The following GRK3 variants were observed in gnomAD, a reference collection of about 807,000 sequenced individuals.
GRK3 encodes adrenergic, beta, receptor kinase 2.
A neutral mutation model predicts 95.7 loss-of-function variants in GRK3; 54 were observed. The ratio of observed to expected loss-of-function variants is 0.56; its 90% CI spans 0.45 to 0.71. The LOEUF (loss-of-function observed/expected upper bound fraction) is 0.71. GRK3 is among the 30% of genes least tolerant of loss of function. The pLI is 0.00. For synonymous variants in GRK3, 281 were observed against 290.8 expected (o/e 0.97, Z 0.34); for missense variants, 649 against 851.2 (o/e 0.76, Z 2.96).
At chr22:25,580,078 T>C (rs1365932389) in intron 1 of GRK3, among the ~76,000 whole-genome samples, 1 of 152,178 alleles carries the variant, frequency 6.6e-6, no homozygotes, top group Non-Finnish European at 1.5e-5. Context: ...TGGACTTGAA[T>C]ATGATCAAGC....
rs1486191959 is a variant in GRK3 at position 25,718,283 on chromosome 22, A to G, written c.1693A>G (p.Met565Val). ...LGKDCIMHGYMLKLGNPFLTQ... is the reference protein window; with the variant it reads ...LGKDCIMHGYVLKLGNPFLTQ... ...GAAGGACTGTATTATGCACGGGTAC[A>G]TGCTGAAACTGGGAAACCCATTTCT... Residue 565 changes from methionine to valine, a missense_variant, in exon 19 of 21, where the codon ATG becomes GTG. Physicochemically the swap from Met to Val is conservative, Grantham distance 21. Coordinates refer to ENST00000324198, the MANE Select transcript of GRK3 (RefSeq NM_005160.4). 1 of 1,614,036 alleles carries G rather than the reference A, an allele frequency of 6.2e-7. No individual in the cohort carries two copies.
At chr22:25,626,080 C>A (rs1257940514) in intron 2 of GRK3, among the ~76,000 whole-genome samples, 1 of 152,200 alleles carries the variant, frequency 6.6e-6, no homozygotes, top group Non-Finnish European at 1.5e-5. Flanking sequence ...TCTACACTCT[C>A]TCGTCGCCGC....
chr22:25,620,009 TGTGTGTG>T lies in GRK3; in HGVS notation c.190+15557_190+15563del, dbSNP rs879421752. Reference sequence around the variant, plus strand: ...CTCTTCCTTTCCTTTGTCTTTTTTGTGTGTGTGTGTGTGTGTGTGTGTGTGTGTGTGT... The same window carrying T: ...CTCTTCCTTTCCTTTGTCTTTTTTGTTGTGTGTGTGTGTGTGTGTGTGTGT... On this transcript the variant is annotated intron_variant, in intron 2 of 20. Transcript: ENST00000324198. 9.0e-3 allele frequency among the ~76,000 whole-genome samples: 833 copies of T among 92,628 alleles called. 10 individuals carry two copies. Among genetic ancestry groups the T allele is most frequent in the African/African-American group, 0.041 (475 of 11,572 alleles). The allele number at this position is 92,628 out of a possible 152,430, so 60.8% of individuals were successfully genotyped here.
rs567898199 is a variant in GRK3, at chr22:25,624,291, C to T, written c.190+19838C>T. Among the ~76,000 whole-genome samples the T allele has an allele frequency of 6.6e-5, 10 of 152,126 alleles. 1 individual carries two copies. The South Asian group carries it at 1.7e-3, about 25-fold the overall frequency. On this transcript the variant is annotated intron_variant, in intron 2 of 20. Coordinates refer to ENST00000324198, the MANE Select transcript of GRK3 (RefSeq NM_005160.4). The stretch of plus-strand genomic sequence containing the variant: ...TAAAACCCTGATTTCTGGCCAGGCG[C>T]GGTGGCTCACTCCTGTAATCCCAGC...
At chr22:25,682,650 A>G (rs2085083529) in intron 9 of GRK3, among the ~76,000 whole-genome samples, 1 of 152,248 alleles carries the variant, frequency 6.6e-6, no homozygotes, top group Non-Finnish European at 1.5e-5. Flanking sequence ...CAGTTTAGTG[A>G]CAAGTATACA....
chr22:25,720,407 C>T (rs1054759312), intron 19 of GRK3, among the ~76,000 whole-genome samples: 4 of 150,902 alleles, frequency 2.7e-5, no homozygotes, highest in Non-Finnish European at 2.9e-5. Context: ...AAACAAAAAC[C>T]GTAAGACGCT....
intron 16 of GRK3, among the ~76,000 whole-genome samples, chr22:25,710,473 G>A (rs2085335469): frequency 6.6e-6 from 1 of 152,034 alleles, no homozygotes. Context: ...CTTATTTTAA[G>A]CTTCATTATA....
At chr22:25,648,225 A>G (rs577263156) in intron 3 of GRK3, 10 of 768,646 alleles carry the variant, frequency 1.3e-5, no homozygotes, top group South Asian at 2.7e-5. Flanking sequence ...AAGGGGTGAC[A>G]ATGTGAAACA....
At chr22:25,583,669 C>T (rs1362501821) in intron 1 of GRK3, among the ~76,000 whole-genome samples, 1 of 152,096 alleles carries the variant, frequency 6.6e-6, no homozygotes. Flanking sequence ...GATGCAGCAC[C>T]TATCTTTTGA....
intron 2 of GRK3, among the ~76,000 whole-genome samples, chr22:25,608,061 T>C (rs2084466111): frequency 6.6e-6 from 1 of 152,204 alleles, no homozygotes; most frequent in Non-Finnish European, 1.5e-5. Flanking sequence ...GTCAGGTCTC[T>C]AAAGTGGGCT....
At position 25,722,630 on chromosome 22, in the gene GRK3, A is replaced by G; in HGVS notation, c.*180A>G. 1 of 554,130 alleles carries G rather than the reference A, an allele frequency of 1.8e-6. No individual in the cohort carries two copies. Among genetic ancestry groups the G allele is most frequent in the Non-Finnish European group, 3.1e-6 (1 of 319,386 alleles). The allele number at this position is 554,130 out of a possible 1,614,324, so 34.3% of individuals were successfully genotyped here. ...CTGCCTTGTCACATTTGTCTGCATT[A>G]GAAACTACTGAAGAAATAAAAGTTC... On this transcript the variant is annotated 3_prime_UTR_variant, in exon 21 of 21. Coordinates refer to ENST00000324198, the MANE Select transcript of GRK3 (RefSeq NM_005160.4).
At chr22:25,694,374 A>G (rs1481124846) in intron 12 of GRK3, among the ~76,000 whole-genome samples, 3 of 152,164 alleles carry the variant, frequency 2.0e-5, no homozygotes, top group African/African-American at 7.2e-5. Context: ...CAGCCCTTCA[A>G]GGAGGGGTGG....
intron 16 of GRK3, among the ~76,000 whole-genome samples, chr22:25,710,816 A>G (rs2085338200): frequency 6.6e-6 from 1 of 152,188 alleles, no homozygotes; most frequent in South Asian, 2.1e-4. Flanking sequence ...TTATATTTGA[A>G]AATTATTGAA....
intron 10 of GRK3, among the ~76,000 whole-genome samples, chr22:25,686,401 G>T (rs1342386387): frequency 6.6e-6 from 1 of 152,162 alleles, no homozygotes; most frequent in Non-Finnish European, 1.5e-5. Context: ...AGTGGCCTTT[G>T]TGTGAGTGGG....
At chr22:25,655,263 C>T (rs565045963) in intron 3 of GRK3, among the ~76,000 whole-genome samples, 18 of 152,196 alleles carry the variant, frequency 1.2e-4, no homozygotes, top group African/African-American at 4.1e-4. Context: ...TACTTATTAC[C>T]TACCTCTCCC....
chr22:25,584,395 G>T (rs28712807), intron 1 of GRK3, among the ~76,000 whole-genome samples: 1 of 128,778 alleles, frequency 7.8e-6, no homozygotes, highest in African/African-American at 2.8e-5. Flanking sequence ...CTGCCCTGTG[G>T]GTCCCTTAGT....
chr22:25,581,867 A>G (rs567096434), intron 1 of GRK3, among the ~76,000 whole-genome samples: 2 of 152,264 alleles, frequency 1.3e-5, no homozygotes, highest in East Asian at 1.9e-4. Flanking sequence ...CATACTATCC[A>G]TGCCTAATGA....
chr22:25,592,620 T>C (rs1376777391), intron 1 of GRK3, among the ~76,000 whole-genome samples: 3 of 152,194 alleles, frequency 2.0e-5, no homozygotes, highest in Non-Finnish European at 4.4e-5. Flanking sequence ...TTTAGACCTA[T>C]GGTCAATCTT....
At chr22:25,672,196 C>A in intron 6 of GRK3, 100 bp from the exon 7 acceptor site, 1 of 584,684 alleles carries the variant, frequency 1.7e-6, no homozygotes, top group Non-Finnish European at 3.0e-6. Flanking sequence ...ATTTGACAAG[C>A]AACCCAAGTA....
Sources: allele counts gnomAD v4.1 joint callset (sites outside exome capture counted in the v4.1 genomes callset), GRCh38; gene constraint gnomAD v4.1.1; transcripts MANE v1.5; gene names NCBI Gene and HGNC (gene_info 2026-07-23, HGNC 2026-07-21).